The following CEACAM18 variants were observed in gnomAD, a reference collection of about 807,000 sequenced individuals.
CEACAM18 encodes the protein cell adhesion molecule CEACAM18.
A neutral mutation model predicts 34.3 loss-of-function variants in CEACAM18; 33 were observed. The ratio of observed to expected loss-of-function variants is 0.96; its 90% CI spans 0.73 to 1.29. The LOEUF is 1.29. CEACAM18 is among the 50% of genes most tolerant of loss of function. CEACAM18 has a pLI of 0.00. For missense variants in CEACAM18, 474 were observed against 485.0 expected, an observed-to-expected ratio of 0.98 and a Z score of 0.21; for synonymous variants, 169 against 180.9, an observed-to-expected ratio of 0.93 and a Z score of 0.53.
chr19:51,486,718 TC>T lies in CEACAM18; in HGVS notation c.1089+1597del, dbSNP rs201890973. 5.4e-3 allele frequency among the ~76,000 whole-genome samples: 771 copies of T among 142,732 alleles called. 11 individuals carry two copies. Among genetic ancestry groups the T allele is most frequent in the African/African-American group, 0.019 (728 of 37,500 alleles). 93.6% of individuals were successfully genotyped at this position (142,732 alleles called of 152,430 possible). On this transcript the variant is annotated intron_variant, in intron 5 of 5. Coordinates refer to ENST00000396477, the Ensembl canonical transcript of CEACAM18. ...TTTCTTTTTCTTTCTTTCTTTCTTT[TC>T]TTTCTTTTTTTTTTTTTATATGGAG...
chr19:51,481,598 T>C, exon 3 of CEACAM18: 5 of 1,613,920 alleles, frequency 3.1e-6, no homozygotes, highest in East Asian at 2.2e-5. Flanking sequence ...ACAGAACAAT[T>C]CAGTGCATGA....
At position 51,480,340 on chromosome 19, in the gene CEACAM18, GCTGGC is replaced by G; in HGVS notation, c.64_68del (p.Ala22TrpfsTer28). ...TTTCCTTGTCTTCTTCAGCCAGTCT[GCTGGC>G]CTGTGGGATCTGCCAGGCCTCTGGC... is the stretch of plus-strand genomic sequence containing the variant. On this transcript the variant is annotated frameshift_variant, in exon 2 of 6. Transcript: ENST00000396477. LOFTEE classifies it high-confidence loss of function. 6.2e-7 allele frequency: 1 copy of G among 1,604,988 alleles called. No individual in the cohort carries two copies. Among genetic ancestry groups the G allele is most frequent in the Non-Finnish European group, 8.5e-7 (1 of 1,174,394 alleles).
intron 5 of CEACAM18, 68 bp downstream of exon 5, chr19:51,485,190 C>A: frequency 7.1e-7 from 1 of 1,399,368 alleles, no homozygotes; most frequent in South Asian, 1.5e-5. Flanking sequence ...GCCAGCCCTC[C>A]CTCCAGAGGG....
intron 1 of CEACAM18, among the ~76,000 whole-genome samples, chr19:51,479,918 G>A (rs1044543347): frequency 1.3e-5 from 2 of 152,286 alleles, no homozygotes; most frequent in African/African-American, 4.8e-5. Flanking sequence ...CCACAAGGAG[G>A]CTCGATGAGT....
intron 4 of CEACAM18, among the ~76,000 whole-genome samples, chr19:51,484,406 G>A (rs563727044): frequency 5.3e-5 from 8 of 150,840 alleles, no homozygotes; most frequent in East Asian, 4.0e-4. Context: ...TGCACCTCCC[G>A]GACTCAAGTG....
At chr19:51,482,060 A>T (rs1006349680) in intron 3 of CEACAM18, among the ~76,000 whole-genome samples, 1 of 152,126 alleles carries the variant, frequency 6.6e-6, no homozygotes, top group Non-Finnish European at 1.5e-5. Context: ...CTTCTTTTCT[A>T]CTAAATTTAG....
exon 6 of CEACAM18, chr19:51,490,698 A>G: frequency 9.4e-7 from 1 of 1,068,552 alleles, no homozygotes; most frequent in Non-Finnish European, 1.2e-6. Flanking sequence ...AGGGCCAGCG[A>G]GGCTGAAAAG....
At chr19:51,490,803 A>G (rs916161006) in exon 6 of CEACAM18, 4 of 408,974 alleles carry the variant, frequency 9.8e-6, no homozygotes, top group Non-Finnish European at 1.3e-5. Flanking sequence ...AGGTCTGCAG[A>G]CCCCACCCGG....
chr19:51,486,710 C>CTTTTTTTTTTTTTTTTTTTTTT (rs1327201659), intron 5 of CEACAM18, among the ~76,000 whole-genome samples: 5 of 144,436 alleles, frequency 3.5e-5, no homozygotes, highest in Non-Finnish European at 6.1e-5. Context: ...TTCTTTCTTT[C>CTTTTTTTTTTTTTTTTTTTTTT]TTTCTTTTCT....
chr19:51,479,226 C>T (rs1461426317), intron 1 of CEACAM18, among the ~76,000 whole-genome samples: 1 of 152,158 alleles, frequency 6.6e-6, no homozygotes, highest in Non-Finnish European at 1.5e-5. Flanking sequence ...TGTGTCCATA[C>T]GTGAGGCCTA....
chr19:51,483,078 T>C (rs748124234), exon 4 of CEACAM18: 4 of 1,613,810 alleles, frequency 2.5e-6, no homozygotes, highest in Non-Finnish European at 2.5e-6. Flanking sequence ...TTGTGACAGC[T>C]GAGATCGGCT....
exon 6 of CEACAM18, chr19:51,490,786 C>T (rs1990078001): frequency 4.5e-6 from 2 of 440,620 alleles, no homozygotes. Context: ...ATGGAGGCTC[C>T]AGTAGGAGGT....
At position 51,480,326 on chromosome 19, in the gene CEACAM18, T is replaced by C; in HGVS notation, c.53-7T>C. On this transcript the variant is annotated splice_region_variant and splice_polypyrimidine_tract_variant and intron_variant, in intron 1 of 5. Transcript: ENST00000396477. ...TTCTCTCTGTCTTTTTTCCTTGTCT[T>C]CTTCAGCCAGTCTGCTGGCCTGTGG... is the stretch of plus-strand genomic sequence containing the variant. 1.3e-6 allele frequency: 2 copies of C among 1,590,194 alleles called. No homozygotes were observed. Among genetic ancestry groups the C allele is most frequent in the Non-Finnish European group, 1.7e-6 (2 of 1,165,040 alleles).
chr19:51,479,256 C>T (rs1989866565), intron 1 of CEACAM18, among the ~76,000 whole-genome samples: 1 of 152,252 alleles, frequency 6.6e-6, no homozygotes, highest in Admixed American at 6.5e-5. Flanking sequence ...TCTCAGGCAT[C>T]TCTGCCTCCT....
intron 3 of CEACAM18, 108 bp downstream of exon 3, chr19:51,481,773 C>T (rs878987650): frequency 1.8e-6 from 2 of 1,142,758 alleles, no homozygotes; most frequent in South Asian, 3.3e-5. Flanking sequence ...CATCCTGGGC[C>T]AGCCTGCAGC....
chr19:51,486,234 A>G (rs1012763340), intron 5 of CEACAM18, among the ~76,000 whole-genome samples: 1 of 152,138 alleles, frequency 6.6e-6, no homozygotes, highest in Non-Finnish European at 1.5e-5. Context: ...GATGATGGCC[A>G]TAATGGTGAC....
At chr19:51,483,050 C>T (rs1568524029) in exon 4 of CEACAM18, 1 of 1,614,026 alleles carries the variant, frequency 6.2e-7, no homozygotes, top group South Asian at 1.1e-5. Context: ...AGGAGCAATC[C>T]TGATGATTTC....
At chr19:51,485,161 T>TG in intron 5 of CEACAM18, 39 bp downstream of exon 5, 14 of 1,467,268 alleles carry the variant, frequency 9.5e-6, no homozygotes, top group Non-Finnish European at 1.3e-5. Context: ...GGATGTTGGC[T>TG]GGGGGCTGGG....
Position 51,487,638 on chromosome 19 carries a change from C to T in CEACAM18, c.1089+2516C>T, listed in dbSNP as rs150275792. On this transcript the variant is annotated intron_variant, in intron 5 of 5. Coordinates refer to ENST00000396477, the Ensembl canonical transcript of CEACAM18. ...AAAATTAGCCAAGTGTGATGGCAGT[C>T]ACCTGTAATCCCAGTTACTTGGGAG... Among the ~76,000 whole-genome samples the T allele has an allele frequency of 2.1e-3, 320 of 152,080 alleles. 5 individuals are homozygous for T. In the East Asian group the frequency reaches 0.033, roughly 16 times the overall value.
Sources: allele counts gnomAD v4.1 joint callset (sites outside exome capture counted in the v4.1 genomes callset), GRCh38; gene constraint gnomAD v4.1.1; transcripts MANE v1.5; gene names NCBI Gene and HGNC (gene_info 2026-07-23, HGNC 2026-07-21).